EGLN3: variants seen among roughly 807,000 people sequenced by gnomAD.
EGLN3 encodes the protein egl-9 family hypoxia inducible factor 3.
EGLN3 carries 15 observed loss-of-function variants against 26.0 expected under a neutral mutation model. The ratio of observed to expected loss-of-function variants is 0.58; its 90% confidence interval spans 0.39 to 0.89. EGLN3 has a LOEUF of 0.89. EGLN3 is among the 40% of genes least tolerant of loss of function. The probability of loss-of-function intolerance (pLI) is 0.00; values close to 1 mark genes in which losing one functional copy is unlikely to be tolerated. For synonymous variants in EGLN3, 147 were observed against 127.2 expected, an observed-to-expected ratio of 1.16 and a Z score of -1.05; for missense variants, 238 against 311.6, an observed-to-expected ratio of 0.76 and a Z score of 1.78.
At chr14:33,928,184 C>T (rs1566596497) in intron 3 of EGLN3, among the ~76,000 whole-genome samples, 1 of 152,116 alleles carries the variant, frequency 6.6e-6, no homozygotes, top group Non-Finnish European at 1.5e-5. Context: ...GAATTCGTTC[C>T]CTGCTCATCT....
In EGLN3 at chr14:33,924,836, C is replaced by T. The variant is rs139467669; in HGVS notation, c.*1055G>A. ...CTGAAGAAAGACTGCTAGGGACAGA[C>T]GAGAACTCAAATAGCTTTGAGATTT... On this transcript the variant is annotated 3_prime_UTR_variant, in exon 5 of 5. Coordinates refer to ENST00000250457, the MANE Select transcript of EGLN3 (RefSeq NM_022073.4). 2 of 148,706 alleles carry T rather than the reference C, an allele frequency of 1.3e-5. No individual in the cohort carries two copies. The highest frequency in any genetic ancestry group is 3.0e-5 in the Non-Finnish European group (2 of 67,770). 9.2% of individuals were successfully genotyped at this position (148,706 alleles called of 1,614,324 possible).
At chr14:33,949,939 C>T (rs141958149) in intron 1 of EGLN3, 96 of 255,930 alleles carry the variant, frequency 3.8e-4, no homozygotes, top group African/African-American at 2.1e-3. Context: ...ACAACTGCCT[C>T]CAGAATTCTG....
intron 2 of EGLN3, 71 bp downstream of exon 2, chr14:33,931,025 T>C (rs1028862171): frequency 6.3e-7 from 1 of 1,588,506 alleles, no homozygotes; most frequent in Middle Eastern, 2.0e-4. Flanking sequence ...ATATAAACTC[T>C]CCTCTAAGTT....
At position 33,924,767 on chromosome 14, in the gene EGLN3, C is replaced by G. The variant is rs1455263928; in HGVS notation, c.*1124G>C. ...CACAGTTCTAGCAAATTCCATGATT[C>G]TGGTCATACTGCCAACCACAGTGGA... is the stretch of plus-strand genomic sequence containing the variant. On this transcript the variant is annotated 3_prime_UTR_variant, in exon 5 of 5. Coordinates refer to ENST00000250457, the MANE Select transcript of EGLN3 (RefSeq NM_022073.4). 6.6e-6 allele frequency: 1 copy of G among 152,032 alleles called. No individual in the cohort carries two copies. The highest frequency in any genetic ancestry group is 2.4e-5 in the African/African-American group (1 of 41,390). The allele number at this position is 152,032 out of a possible 1,614,324, so 9.4% of individuals were successfully genotyped here. A position where few individuals can be genotyped will look rare whatever the true frequency, so the allele number is the denominator to read the frequency against.
At chr14:33,928,675 C>T (rs1171122834) in intron 3 of EGLN3, among the ~76,000 whole-genome samples, 1 of 152,100 alleles carries the variant, frequency 6.6e-6, no homozygotes. Context: ...TTGCAATTAG[C>T]AGCTTGTAAA....
At chr14:33,931,800 A>T (rs1435757981) in intron 1 of EGLN3, among the ~76,000 whole-genome samples, 6 of 152,260 alleles carry the variant, frequency 3.9e-5, no homozygotes, top group Non-Finnish European at 8.8e-5. Context: ...TTGTTAACAC[A>T]GACAACACAG....
intron 1 of EGLN3, among the ~76,000 whole-genome samples, chr14:33,936,530 C>T (rs1323466932): frequency 6.6e-6 from 1 of 152,052 alleles, no homozygotes; most frequent in Non-Finnish European, 1.5e-5. Context: ...GTGAGCAGGG[C>T]ATCCCCATGA....
At chr14:33,950,351 C>T (rs373301982) in intron 1 of EGLN3, 45 bp downstream of exon 1, 9 of 1,583,952 alleles carry the variant, frequency 5.7e-6, no homozygotes, top group African/African-American at 5.4e-5. Flanking sequence ...GAGTGCCTCC[C>T]GTCCCCGCGG....
At chr14:33,935,139 T>A (rs998781543) in intron 1 of EGLN3, among the ~76,000 whole-genome samples, 16 of 152,226 alleles carry the variant, frequency 1.1e-4, no homozygotes, top group African/African-American at 3.9e-4. Flanking sequence ...TACACCTTGG[T>A]TTCTTCATCT....
At chr14:33,931,244 A>T (rs1190485751) in intron 1 of EGLN3, 29 bp from the exon 2 acceptor site, 4 of 1,613,880 alleles carry the variant, frequency 2.5e-6, no homozygotes, top group Admixed American at 1.7e-5. Flanking sequence ...AAAGCTGGTT[A>T]ACAAAGCTGA....
In EGLN3 at chr14:33,941,577, T is replaced by G. The variant is rs574563299; in HGVS notation, c.357+8819A>C. On this transcript the variant is annotated intron_variant, in intron 1 of 4. Coordinates refer to ENST00000250457, the MANE Select transcript of EGLN3 (RefSeq NM_022073.4). ...TCCCCCCCAAAAAAAATTCTAGCTT[T>G]TTTTTTAACATTCAAATATCCATCA... Among the ~76,000 whole-genome samples, 23 of 151,394 alleles carry G rather than the reference T, an allele frequency of 1.5e-4. No individual in the cohort carries two copies. In the South Asian group the frequency reaches 1.9e-3, roughly 13 times the overall value.
chr14:33,944,668 G>A (rs1401248267), intron 1 of EGLN3, among the ~76,000 whole-genome samples: 1 of 152,220 alleles, frequency 6.6e-6, no homozygotes, highest in Non-Finnish European at 1.5e-5. Context: ...TGACTAATGA[G>A]CGTAAACGTG....
rs139467669 is a variant in EGLN3 at position 33,924,836 on chromosome 14, C to G, written c.*1055G>C. 6.7e-6 allele frequency: 1 copy of G among 148,706 alleles called. No individual in the cohort carries two copies. Among genetic ancestry groups the G allele is most frequent in the African/African-American group, 2.5e-5 (1 of 40,310 alleles). The allele number at this position is 148,706 out of a possible 1,614,324, so 9.2% of individuals were successfully genotyped here. The stretch of plus-strand genomic sequence containing the variant: ...CTGAAGAAAGACTGCTAGGGACAGA[C>G]GAGAACTCAAATAGCTTTGAGATTT... On this transcript the variant is annotated 3_prime_UTR_variant, in exon 5 of 5. Transcript: ENST00000250457.
chr14:33,943,303 T>C (rs1419841139), intron 1 of EGLN3, among the ~76,000 whole-genome samples: 1 of 152,186 alleles, frequency 6.6e-6, no homozygotes, highest in Non-Finnish European at 1.5e-5. Context: ...GTCTGTTGTA[T>C]TTACAATTCC....
Position 33,927,082 on chromosome 14 carries a change from G to A in EGLN3, c.615-49C>T, listed in dbSNP as rs758174345. Reference sequence around the variant, plus strand: ...GGAAAGAGATTTAATGGTACTACTAGAAACACAAATGTCCTATAAATCTCA... The same window carrying A: ...GGAAAGAGATTTAATGGTACTACTAAAAACACAAATGTCCTATAAATCTCA... On this transcript the variant is annotated intron_variant, in intron 3 of 4. Coordinates refer to ENST00000250457, the MANE Select transcript of EGLN3 (RefSeq NM_022073.4). 5.1e-6 allele frequency: 7 copies of A among 1,363,778 alleles called. No individual in the cohort carries two copies. The East Asian group carries it at 1.5e-4, about 30-fold the overall frequency. The allele number at this position is 1,363,778 out of a possible 1,614,324, so 84.5% of individuals were successfully genotyped here.
At chr14:33,931,262 A>G (rs759173698) in intron 1 of EGLN3, 47 bp from the exon 2 acceptor site, 4 of 1,612,976 alleles carry the variant, frequency 2.5e-6, no homozygotes, top group Non-Finnish European at 3.4e-6. Flanking sequence ...TGAGACAGAC[A>G]ATCTTCTCCT....
rs772104291 is a variant in EGLN3 at position 33,925,873 on chromosome 14, G to A, written c.*18C>T. The stretch of plus-strand genomic sequence containing the variant: ...ACCGTTACTAAAATGAACAAGGCCA[G>A]CAGATTTCAGAGCACGGTCAGTCTT... On this transcript the variant is annotated 3_prime_UTR_variant, in exon 5 of 5. Coordinates refer to ENST00000250457, the MANE Select transcript of EGLN3 (RefSeq NM_022073.4). 20 of 1,613,774 alleles carry A rather than the reference G, an allele frequency of 1.2e-5. No homozygotes were observed. Among genetic ancestry groups the A allele is most frequent in the Non-Finnish European group, 1.6e-5 (19 of 1,179,842 alleles).
intron 1 of EGLN3, chr14:33,950,000 G>A: frequency 2.2e-6 from 1 of 457,526 alleles, no homozygotes; most frequent in Non-Finnish European, 3.9e-6. Context: ...AGTATTAGGT[G>A]GCTTTAAAGT....
chr14:33,925,792 T>G lies in EGLN3; in HGVS notation c.*99A>C, dbSNP rs1484981578. The G allele has an allele frequency of 4.4e-6, 6 of 1,355,434 alleles. No homozygotes were observed. The highest frequency in any genetic ancestry group is 6.3e-6 in the Non-Finnish European group (6 of 949,786). The allele number at this position is 1,355,434 out of a possible 1,614,324, so 84.0% of individuals were successfully genotyped here. The stretch of plus-strand genomic sequence containing the variant: ...AAGGATGCAAGAAGTAGCAGGGAGA[T>G]TGTTGTCACTGAAGAGGCCATCTTT... On this transcript the variant is annotated 3_prime_UTR_variant, in exon 5 of 5. Transcript: ENST00000250457.
Sources: allele counts gnomAD v4.1 joint callset (sites outside exome capture counted in the v4.1 genomes callset), GRCh38; gene constraint gnomAD v4.1.1; transcripts MANE v1.5; gene names NCBI Gene and HGNC (gene_info 2026-07-23, HGNC 2026-07-21).